The following RBFOX1 variants were observed in gnomAD, a reference collection of about 807,000 sequenced individuals.
The protein encoded by RBFOX1 is RNA binding fox-1 homolog 1.
Under a neutral mutation model 57.7 loss-of-function variants are expected in RBFOX1, and 8 were observed. That is an observed-to-expected ratio of 0.14 (90% confidence interval 0.08 to 0.25). The LOEUF (loss-of-function observed/expected upper bound fraction) is 0.25, where lower values mean the gene tolerates loss of function less well. RBFOX1 is among the 10% of genes least tolerant of loss of function. The pLI, the probability that RBFOX1 is intolerant of heterozygous loss-of-function variation, is 1.00. For missense variants in RBFOX1, 611 were observed against 548.5 expected (o/e 1.11, Z -1.14); for synonymous variants, 326 against 222.4 (o/e 1.47, Z -4.15).
chr16:6,779,621 C>T (rs1052216322), intron 3 of RBFOX1, among the ~76,000 whole-genome samples: 7 of 146,418 alleles, frequency 4.8e-5, no homozygotes, highest in African/African-American at 1.0e-4. Flanking sequence ...TACTAACTTA[C>T]GTTCCCACCA....
At chr16:6,488,185 T>C (rs2095548579) in intron 2 of RBFOX1, among the ~76,000 whole-genome samples, 1 of 152,214 alleles carries the variant, frequency 6.6e-6, no homozygotes, top group Non-Finnish European at 1.5e-5. Context: ...CTCTTCATGG[T>C]AATTCTGCAT....
At chr16:5,533,219 T>C (rs969180363) in intron 2 of RBFOX1, among the ~76,000 whole-genome samples, 1 of 152,206 alleles carries the variant, frequency 6.6e-6, no homozygotes, top group African/African-American at 2.4e-5. Flanking sequence ...CTGCGGACTT[T>C]TGGAATTTGT....
chr16:6,903,566 G>T (rs79246859), intron 3 of RBFOX1, among the ~76,000 whole-genome samples: 2,837 of 152,274 alleles, frequency 0.019, 82 homozygotes, highest in African/African-American at 0.064. Context: ...CCAGAAAGGT[G>T]CCCCGCAATC....
intron 4 of RBFOX1, among the ~76,000 whole-genome samples, chr16:5,936,886 G>A (rs1383653703): frequency 6.6e-6 from 1 of 152,124 alleles, no homozygotes; most frequent in Non-Finnish European, 1.5e-5. Context: ...GAGGGCTTTG[G>A]GACTGGGGGT....
chr16:7,611,159 GTC>G (rs1345443008), intron 10 of RBFOX1, among the ~76,000 whole-genome samples: 3 of 152,130 alleles, frequency 2.0e-5, no homozygotes, highest in Non-Finnish European at 4.4e-5. Flanking sequence ...GCCTCCCGTT[GTC>G]TCTCAGAATG....
At chr16:7,125,472 CG>C (rs1162662565) in intron 4 of RBFOX1, among the ~76,000 whole-genome samples, 2 of 152,134 alleles carry the variant, frequency 1.3e-5, no homozygotes, top group East Asian at 3.9e-4. Flanking sequence ...TCAAACCTGT[CG>C]GATGCTAAGC....
At chr16:7,214,349 T>G (rs140441195) in intron 4 of RBFOX1, among the ~76,000 whole-genome samples, 13 of 152,292 alleles carry the variant, frequency 8.5e-5, no homozygotes, top group African/African-American at 3.1e-4. Flanking sequence ...GATCCCTACT[T>G]TAGCAGATGG....
chr16:6,220,727 C>CT (rs2097367344), intron 1 of RBFOX1, among the ~76,000 whole-genome samples: 1 of 7,734 alleles, frequency 1.3e-4, no homozygotes, highest in Admixed American at 1.7e-3. Context: ...TAACCGCCCC[C>CT]CCCCAGTGGA....
intron 1 of RBFOX1, among the ~76,000 whole-genome samples, chr16:6,300,723 T>A (rs1328189160): frequency 6.6e-6 from 1 of 152,182 alleles, no homozygotes; most frequent in Admixed American, 6.5e-5. Flanking sequence ...TACTCTTTCA[T>A]TAAGTGACAG....
chr16:7,272,588 C>T (rs116202203), intron 4 of RBFOX1, among the ~76,000 whole-genome samples: 91 of 152,278 alleles, frequency 6.0e-4, no homozygotes, highest in African/African-American at 2.2e-3. Context: ...GTAGAGAGGA[C>T]AGGAAAGCAG....
At chr16:5,938,848 T>G (rs2059223270) in intron 4 of RBFOX1, among the ~76,000 whole-genome samples, 2 of 152,180 alleles carry the variant, frequency 1.3e-5, no homozygotes. Flanking sequence ...TGCTGATTCA[T>G]TAGTATCATA....
chr16:7,103,899 T>A (rs1431064259), intron 4 of RBFOX1, among the ~76,000 whole-genome samples: 2 of 152,190 alleles, frequency 1.3e-5, no homozygotes, highest in African/African-American at 4.8e-5. Flanking sequence ...CAGATGTTTC[T>A]GTTGTTTAGC....
At chr16:5,659,036 C>G (rs925523815) in intron 3 of RBFOX1, among the ~76,000 whole-genome samples, 2 of 151,842 alleles carry the variant, frequency 1.3e-5, no homozygotes, top group Non-Finnish European at 2.9e-5. Context: ...GGTGGGATTG[C>G]TGGATCAAAT....
At chr16:6,184,866 C>G (rs1265596226) in intron 1 of RBFOX1, among the ~76,000 whole-genome samples, 1 of 152,116 alleles carries the variant, frequency 6.6e-6, no homozygotes, top group African/African-American at 2.4e-5. Context: ...CGCTTCTGGT[C>G]TACTACAGGA....
chr16:6,736,051 ATT>A (rs1384851725), intron 3 of RBFOX1, among the ~76,000 whole-genome samples: 1 of 142,670 alleles, frequency 7.0e-6, no homozygotes, highest in African/African-American at 2.6e-5. Flanking sequence ...TTACCCCAAT[ATT>A]TTTCTGATCT....
intron 2 of RBFOX1, among the ~76,000 whole-genome samples, chr16:6,529,569 A>G (rs562356207): frequency 4.4e-5 from 4 of 91,134 alleles, no homozygotes; most frequent in Admixed American, 2.0e-4. Flanking sequence ...AATAATAATA[A>G]TTATTATTAA....
intron 3 of RBFOX1, among the ~76,000 whole-genome samples, chr16:5,706,263 A>C (rs1051657229): frequency 6.6e-6 from 1 of 152,172 alleles, no homozygotes; most frequent in Non-Finnish European, 1.5e-5. Flanking sequence ...AAAGTTACGA[A>C]AATGTGTACA....
chr16:6,791,499 C>T (rs1031569915), intron 3 of RBFOX1, among the ~76,000 whole-genome samples: 1 of 152,182 alleles, frequency 6.6e-6, no homozygotes, highest in African/African-American at 2.4e-5. Flanking sequence ...TGGCTCACAC[C>T]TGTAATCCCA....
At chr16:6,270,918 A>C (rs151283177) in intron 1 of RBFOX1, among the ~76,000 whole-genome samples, 6 of 152,352 alleles carry the variant, frequency 3.9e-5, no homozygotes, top group Non-Finnish European at 4.4e-5. Context: ...ACATTTGGCC[A>C]CTAGACAGCA....
Sources: gnomAD v4.1 joint callset for allele counts (sites outside exome capture counted in the v4.1 genomes callset) on GRCh38, gnomAD v4.1.1 for gene constraint, MANE v1.5 for transcripts, NCBI Gene and HGNC (gene_info 2026-07-23, HGNC 2026-07-21) for gene names.